The following TENM1 variants were observed in gnomAD, a reference collection of about 807,000 sequenced individuals.
The protein encoded by TENM1 is teneurin-1.
A neutral mutation model predicts 174.8 loss-of-function variants in TENM1; 35 were observed. That is an observed-to-expected ratio of 0.20 (90% CI 0.15 to 0.27). The LOEUF is 0.27. TENM1 is among the 10% of genes least tolerant of loss of function. The pLI is 1.00. For synonymous variants in TENM1, 781 were observed against 798.7 expected, an observed-to-expected ratio of 0.98 and a Z score of 0.37; for missense variants, 1,633 against 2,130.1, an observed-to-expected ratio of 0.77 and a Z score of 4.59.
chrX:124,989,636 G>A, the TENM1 span, among the ~76,000 whole-genome samples: 1 of 109,966 alleles, frequency 9.1e-6, no homozygotes, highest in Admixed American at 9.8e-5. Flanking sequence ...GTCAGTAATC[G>A]AGAAAGTGTG....
chrX:124,534,606 A>G (rs933418851), intron 15 of TENM1, among the ~76,000 whole-genome samples: 15 of 112,241 alleles, frequency 1.3e-4, no homozygotes, highest in Non-Finnish European at 9.4e-5. Flanking sequence ...TGCTAACAGG[A>G]GCATAAGCAG....
chrX:124,998,805 T>A, the TENM1 span, among the ~76,000 whole-genome samples: 1 of 111,327 alleles, frequency 9.0e-6, no homozygotes, highest in African/African-American at 3.3e-5. Context: ...ATAGACAAAT[T>A]TATACAATGA....
At chrX:124,421,826 C>T (rs1459777690) in intron 24 of TENM1, among the ~76,000 whole-genome samples, 3 of 111,492 alleles carry the variant, frequency 2.7e-5, no homozygotes, top group Non-Finnish European at 5.6e-5. Flanking sequence ...TGAAAACCAA[C>T]CACTTATGGG....
intron 22 of TENM1, among the ~76,000 whole-genome samples, chrX:124,474,371 G>A (rs1365246133): frequency 9.0e-6 from 1 of 111,207 alleles, no homozygotes; most frequent in African/African-American, 3.3e-5. Flanking sequence ...CATTTAATTA[G>A]CAGTGGATCT....
chrX:124,793,640 G>A (rs949325377), intron 3 of TENM1, among the ~76,000 whole-genome samples: 4 of 111,391 alleles, frequency 3.6e-5, no homozygotes, highest in East Asian at 2.8e-4. Context: ...TAGAAATTAC[G>A]GAACTTCTCT....
intron 3 of TENM1, among the ~76,000 whole-genome samples, chrX:124,823,653 C>T (rs1173235109): frequency 9.1e-6 from 1 of 109,623 alleles, no homozygotes; most frequent in Non-Finnish European, 1.9e-5. Context: ...AGTTTTTCCT[C>T]GTGAAAAAAA....
chrX:124,591,210 G>T (rs1271861575), intron 11 of TENM1, among the ~76,000 whole-genome samples: 1 of 111,337 alleles, frequency 9.0e-6, no homozygotes, highest in Non-Finnish European at 1.9e-5. Flanking sequence ...TTTTAAGTGG[G>T]GGCATGTAGA....
At chrX:124,786,556 C>T (rs1447461492) in intron 3 of TENM1, among the ~76,000 whole-genome samples, 1 of 111,642 alleles carries the variant, frequency 9.0e-6, no homozygotes, top group East Asian at 2.8e-4. Flanking sequence ...TGATGAAATT[C>T]TTAAATGAAC....
chrX:124,516,164 C>A (rs1199649486), intron 18 of TENM1, among the ~76,000 whole-genome samples: 1 of 111,991 alleles, frequency 8.9e-6, no homozygotes, highest in Non-Finnish European at 1.9e-5. Context: ...GAGATTGAAA[C>A]TGGACCCCTT....
intron 18 of TENM1, among the ~76,000 whole-genome samples, chrX:124,519,382 A>G (rs2047789598): frequency 9.0e-6 from 1 of 111,152 alleles, no homozygotes; most frequent in African/African-American, 3.3e-5. Flanking sequence ...TCTTGGGCAG[A>G]GAAGAGTCAT....
the TENM1 span, among the ~76,000 whole-genome samples, chrX:124,995,505 C>G: frequency 1.8e-5 from 2 of 111,644 alleles, no homozygotes; most frequent in Admixed American, 1.9e-4. Flanking sequence ...CAATGCTGCT[C>G]CTATTTAGGC....
At chrX:125,113,444 A>T in the TENM1 span, among the ~76,000 whole-genome samples, 1 of 111,141 alleles carries the variant, frequency 9.0e-6, no homozygotes, top group Non-Finnish European at 1.9e-5. Context: ...TTATTATTAA[A>T]ACCAATTAAA....
At chrX:124,647,754 T>TG (rs1569364291) in intron 8 of TENM1, among the ~76,000 whole-genome samples, 16 of 109,465 alleles carry the variant, frequency 1.5e-4, no homozygotes, top group African/African-American at 5.3e-4. Flanking sequence ...TGTGTGTGTG[T>TG]TTGTGTGTGT....
intron 22 of TENM1, among the ~76,000 whole-genome samples, chrX:124,480,257 T>C (rs1197107776): frequency 8.9e-6 from 1 of 111,919 alleles, no homozygotes; most frequent in Non-Finnish European, 1.9e-5. Flanking sequence ...AAGTGCTAAT[T>C]GTGTAGTGTA....
At chrX:125,033,400 A>C in the TENM1 span, among the ~76,000 whole-genome samples, 1,797 of 111,853 alleles carry the variant, frequency 0.016, 18 homozygotes, top group Non-Finnish European at 0.026. Context: ...AAAAACCCCA[A>C]AAACTCAATG....
chrX:124,420,489 C>T (rs780808988), exon 25 of TENM1: 36 of 1,210,877 alleles, frequency 3.0e-5, no homozygotes, highest in Non-Finnish European at 3.7e-5. Context: ...AGCGGCATTC[C>T]GCCTGCATCA....
rs55713087 is a variant in TENM1, at chrX:124,569,148, T to C, written c.2078-3588A>G. 3.6e-3 allele frequency among the ~76,000 whole-genome samples: 398 copies of C among 111,122 alleles called. 1 individual carries two copies. The highest frequency in any genetic ancestry group is 6.2e-3 in the Non-Finnish European group (328 of 53,048). ...AGGAGGTCGAGGCTGCAGTGAGCCATGTTCATGCCACTGCACTCTAGCCTG... is the reference window on the plus strand; with the variant it reads ...AGGAGGTCGAGGCTGCAGTGAGCCACGTTCATGCCACTGCACTCTAGCCTG... On this transcript the variant is annotated intron_variant, in intron 11 of 31. Transcript: ENST00000422452.
chrX:124,755,576 C>A (rs1028010862), intron 3 of TENM1, among the ~76,000 whole-genome samples: 4 of 111,585 alleles, frequency 3.6e-5, no homozygotes, highest in African/African-American at 1.3e-4. Flanking sequence ...GCAGTTTCTT[C>A]CTAGCCTCGA....
chrX:124,426,583 T>A (rs2060720362), intron 23 of TENM1, among the ~76,000 whole-genome samples: 1 of 111,816 alleles, frequency 8.9e-6, no homozygotes, highest in Non-Finnish European at 1.9e-5. Flanking sequence ...CCTCCTCTAC[T>A]GCACCATGTG....
Sources: allele counts gnomAD v4.1 joint callset (sites outside exome capture counted in the v4.1 genomes callset), GRCh38; gene constraint gnomAD v4.1.1; transcripts MANE v1.5; gene names NCBI Gene and HGNC (gene_info 2026-07-23, HGNC 2026-07-21).